NCK1: variants seen among roughly 807,000 people sequenced by gnomAD.
NCK1 encodes the protein SH2/SH3 adapter protein NCK1.
In NCK1, 19 loss-of-function variants were observed where a neutral mutation model predicts 36.6. The observed-to-expected ratio is 0.52, with a 90% CI of 0.36 to 0.76. NCK1 has a LOEUF of 0.76. Ranked by LOEUF, NCK1 falls within the 30% of genes least tolerant of loss-of-function variation. The pLI is 0.00. For synonymous variants in NCK1, 165 were observed against 156.0 expected, an observed-to-expected ratio of 1.06 and a Z score of -0.43; for missense variants, 358 against 445.6, an observed-to-expected ratio of 0.80 and a Z score of 1.77.
At chr3:136,941,937 C>T (rs1940689811) in intron 2 of NCK1, among the ~76,000 whole-genome samples, 1 of 152,184 alleles carries the variant, frequency 6.6e-6, no homozygotes, top group Non-Finnish European at 1.5e-5. Context: ...CTCCCGGGTT[C>T]AAGCAATTCT....
intron 1 of NCK1, among the ~76,000 whole-genome samples, chr3:136,922,807 A>C (rs1373611963): frequency 2.0e-5 from 3 of 152,236 alleles, no homozygotes; most frequent in Non-Finnish European, 4.4e-5. Flanking sequence ...GCTGTAACTC[A>C]GCATTCTTCT....
At chr3:136,893,888 G>A (rs1399214211) in intron 1 of NCK1, among the ~76,000 whole-genome samples, 1 of 152,116 alleles carries the variant, frequency 6.6e-6, no homozygotes, top group Non-Finnish European at 1.5e-5. Flanking sequence ...CCTTTATGCT[G>A]GGCCAGCATT....
intron 2 of NCK1, chr3:136,930,463 G>A (rs1576984760): frequency 1.6e-6 from 2 of 1,274,600 alleles, no homozygotes; most frequent in African/African-American, 3.1e-5. Flanking sequence ...TGGATTGGGT[G>A]TGGGAAGTTT....
At chr3:136,881,488 A>G (rs1306452234) in intron 1 of NCK1, among the ~76,000 whole-genome samples, 2 of 152,182 alleles carry the variant, frequency 1.3e-5, no homozygotes, top group East Asian at 1.9e-4. Flanking sequence ...AAGTGCTGGG[A>G]TTGGAGGCAT....
chr3:136,924,711 G>A (rs1178905880), intron 1 of NCK1, among the ~76,000 whole-genome samples: 3 of 152,172 alleles, frequency 2.0e-5, no homozygotes, highest in Non-Finnish European at 4.4e-5. Context: ...GAGGTTCTAT[G>A]TTTCACCACA....
chr3:136,870,506 G>T (rs1048436787), intron 1 of NCK1, among the ~76,000 whole-genome samples: 2 of 151,722 alleles, frequency 1.3e-5, no homozygotes, highest in African/African-American at 4.8e-5. Context: ...ATTTAATAGG[G>T]CTGGGCAGTT....
chr3:136,930,737 T>C (rs999872996), intron 2 of NCK1: 4 of 601,484 alleles, frequency 6.7e-6, no homozygotes, highest in African/African-American at 5.7e-5. Flanking sequence ...AACCAAATGA[T>C]TGGTGATATA....
intron 1 of NCK1, among the ~76,000 whole-genome samples, chr3:136,917,839 T>TA (rs1335468543): frequency 6.6e-6 from 1 of 152,190 alleles, no homozygotes; most frequent in Non-Finnish European, 1.5e-5. Flanking sequence ...GGATGACAAA[T>TA]ACATCAGTAA....
rs1050007505 is a variant in NCK1, at chr3:136,949,366, T to C, written c.*913T>C. 6.6e-6 allele frequency: 1 copy of C among 152,002 alleles called. No individual in the cohort carries two copies. The highest frequency in any genetic ancestry group is 1.5e-5 in the Non-Finnish European group (1 of 67,900). The allele number at this position is 152,002 out of a possible 1,614,324, so 9.4% of individuals were successfully genotyped here. On this transcript the variant is annotated 3_prime_UTR_variant, in exon 4 of 4. Transcript: ENST00000481752. Reference sequence around the variant, plus strand: ...CTTGTTTTTTTCTCCTCACTAAATATCAGTAATTGTCAGGAATGGTATTAC... The same window carrying C: ...CTTGTTTTTTTCTCCTCACTAAATACCAGTAATTGTCAGGAATGGTATTAC...
chr3:136,928,223 CT>C lies in NCK1; in HGVS notation c.224del (p.Leu75Ter). 1 of 1,591,668 alleles carries C rather than the reference CT, an allele frequency of 6.3e-7. No homozygotes were observed. The highest frequency in any genetic ancestry group is 8.5e-7 in the Non-Finnish European group (1 of 1,172,686). On this transcript the variant is annotated frameshift_variant, in exon 2 of 4. Transcript: ENST00000481752. LOFTEE classifies it high-confidence loss of function. The stretch of plus-strand genomic sequence containing the variant: ...CTATTGTGAAAAACCTAAAGGATAC[CT>C]TAGGTAAGATATTTTTTAAAAGAAA... ...ASIVKNLKDT[L>X]GIGKVKRKPS...
intron 1 of NCK1, among the ~76,000 whole-genome samples, chr3:136,890,397 C>T (rs189331641): frequency 3.3e-5 from 5 of 152,206 alleles, no homozygotes; most frequent in Non-Finnish European, 7.3e-5. Flanking sequence ...ACACCTCCCC[C>T]CAAGCTGAGG....
At chr3:136,944,111 C>CTTTTTTTTTTTTTTTTTTTTT in intron 2 of NCK1, among the ~76,000 whole-genome samples, 1 of 80,926 alleles carries the variant, frequency 1.2e-5, no homozygotes, top group Non-Finnish European at 2.2e-5. Flanking sequence ...GGAAAAACAA[C>CTTTTTTTTTTTTTTTTTTTTT]CTTTTTTTTT....
intron 1 of NCK1, among the ~76,000 whole-genome samples, chr3:136,875,616 A>C (rs1303583538): frequency 6.6e-6 from 1 of 152,032 alleles, no homozygotes; most frequent in Non-Finnish European, 1.5e-5. Flanking sequence ...TCCTAAATAT[A>C]TATGCACCCA....
chr3:136,912,186 C>T (rs1173341595), intron 1 of NCK1, among the ~76,000 whole-genome samples: 12 of 134,716 alleles, frequency 8.9e-5, no homozygotes, highest in Non-Finnish European at 1.4e-4. Flanking sequence ...TTTTTGAGAC[C>T]GAGTCTCGCT....
intron 1 of NCK1, among the ~76,000 whole-genome samples, chr3:136,898,381 C>T (rs1337190622): frequency 7.3e-6 from 1 of 136,956 alleles, no homozygotes; most frequent in East Asian, 2.1e-4. Flanking sequence ...GCAAGACTCC[C>T]TCTCAAAAAA....
At chr3:136,894,045 G>C (rs529871695) in intron 1 of NCK1, among the ~76,000 whole-genome samples, 1 of 152,312 alleles carries the variant, frequency 6.6e-6, no homozygotes, top group African/African-American at 2.4e-5. Flanking sequence ...ATTCCAGACA[G>C]ATTGCTCCCT....
intron 1 of NCK1, among the ~76,000 whole-genome samples, chr3:136,871,897 C>G (rs1448515390): frequency 6.6e-6 from 1 of 152,152 alleles, no homozygotes; most frequent in African/African-American, 2.4e-5. Context: ...GAAGACATGC[C>G]TTTAACCTTG....
In NCK1 at chr3:136,948,324, A is replaced by G. The variant is rs1375130964; in HGVS notation, c.1005A>G (p.Lys335=). The G allele has an allele frequency of 5.0e-6, 8 of 1,612,318 alleles. No homozygotes were observed. The highest frequency in any genetic ancestry group is 6.8e-6 in the Non-Finnish European group (8 of 1,178,976). Residue 335 remains lysine, a synonymous_variant, in exon 4 of 4, where the codon AAA becomes AAG. Coordinates refer to ENST00000481752, the MANE Select transcript of NCK1 (RefSeq NM_001291999.2). ...ACAAGCATTTTAAAGTCCAACTAAA[A>G]GAGACTGTCTACTGCATTGGGCAGC... ...GKNKHFKVQL[K]ETVYCIGQRK... is the part of the protein sequence containing the mutation.
chr3:136,908,437 C>A (rs991797770), intron 1 of NCK1, among the ~76,000 whole-genome samples: 1 of 152,092 alleles, frequency 6.6e-6, no homozygotes, highest in Non-Finnish European at 1.5e-5. Context: ...AGATGTACAG[C>A]TTGCAAAGTG....
Sources: gnomAD v4.1 joint callset for allele counts (sites outside exome capture counted in the v4.1 genomes callset) on GRCh38, gnomAD v4.1.1 for gene constraint, MANE v1.5 for transcripts, NCBI Gene and HGNC (gene_info 2026-07-23, HGNC 2026-07-21) for gene names.